Variants in RCAN3 observed in about 807,000 individuals in gnomAD.
The protein encoded by RCAN3 is calcipressin-3.
In RCAN3, 19 loss-of-function variants were observed where a neutral mutation model predicts 21.9. That is an observed-to-expected ratio of 0.87 (90% CI 0.61 to 1.27). The LOEUF (loss-of-function observed/expected upper bound fraction) is 1.27, where lower values mean the gene tolerates loss of function less well. RCAN3 is among the 50% of genes most tolerant of loss of function. RCAN3 has a pLI of 0.00. For missense variants in RCAN3, 240 were observed against 300.1 expected (o/e 0.80, Z 1.48); for synonymous variants, 114 against 112.3 (o/e 1.01, Z -0.09).
chr1:24,539,539 T>C lies in RCAN3; in HGVS notation c.*4262T>C, dbSNP rs1455228526. 6.6e-6 allele frequency: 1 copy of C among 152,220 alleles called. No homozygotes were observed. The highest frequency in any genetic ancestry group is 1.5e-5 in the Non-Finnish European group (1 of 68,050). The allele number at this position is 152,220 out of a possible 1,614,324, so 9.4% of individuals were successfully genotyped here. A position where few individuals can be genotyped will look rare whatever the true frequency, so the allele number is the denominator to read the frequency against. On this transcript the variant is annotated 3_prime_UTR_variant, in exon 5 of 5. Transcript: ENST00000374395. Reference sequence around the variant, plus strand: ...TACTAAAGCAGAATGAGATCTAATATGTTGTGGAAATAAAAGAGTTTGCAG... The same window carrying C: ...TACTAAAGCAGAATGAGATCTAATACGTTGTGGAAATAAAAGAGTTTGCAG...
At chr1:24,531,470 ATAT>A (rs1372255212) in intron 3 of RCAN3, 79 bp downstream of exon 3, 40 of 1,095,680 alleles carry the variant, frequency 3.7e-5, no homozygotes, top group Non-Finnish European at 4.9e-5. Context: ...ACCGTTTTCT[ATAT>A]TATTATAGCA....
intron 3 of RCAN3, 137 bp downstream of exon 3, chr1:24,531,528 A>G (rs1438054489): frequency 1.8e-6 from 1 of 541,678 alleles, no homozygotes; most frequent in Non-Finnish European, 3.0e-6. Context: ...TAATACAAAA[A>G]TATTTTCCCT....
intron 2 of RCAN3, among the ~76,000 whole-genome samples, chr1:24,516,190 C>T (rs1411357409): frequency 2.6e-5 from 4 of 151,994 alleles, no homozygotes; most frequent in African/African-American, 7.2e-5. Context: ...CAGGGCCAGG[C>T]GCAGTGGCTC....
intron 2 of RCAN3, 36 bp from the exon 3 acceptor site, chr1:24,531,182 T>A: frequency 7.5e-7 from 1 of 1,340,350 alleles, no homozygotes; most frequent in Non-Finnish European, 9.9e-7. Flanking sequence ...TTTTTTTTCC[T>A]CCCCTTCCCT....
rs1649182814 is a variant in RCAN3, at chr1:24,525,466, A to G, written c.196-5752A>G. Among the ~76,000 whole-genome samples, 1 of 152,202 alleles carries G rather than the reference A, an allele frequency of 6.6e-6. No individual in the cohort carries two copies. The highest frequency in any genetic ancestry group is 1.5e-5 in the Non-Finnish European group (1 of 68,020). On this transcript the variant is annotated intron_variant, in intron 2 of 4. Transcript: ENST00000374395. The surrounding 1 kb of genome is among the most constrained non-coding windows in gnomAD (Gnocchi z 4.1). ...GCTGCATTGTTTGTGTTATGCCTGT[A>G]GACGTTGTGCTGCCAGAGGGGGATA...
In RCAN3 at chr1:24,503,021, C is replaced by A. The variant is rs1054033686; in HGVS notation, c.-189C>A. On this transcript the variant is annotated 5_prime_UTR_variant, in exon 1 of 5. Transcript: ENST00000374395. ...CCGCCCACCAGGCTCCCAGAGGCCC[C>A]GCAGCTCGCGCCGTCCGGCTCCCCG... is the stretch of plus-strand genomic sequence containing the variant. 1.7e-4 allele frequency: 26 copies of A among 149,564 alleles called. No homozygotes were observed. The highest frequency in any genetic ancestry group is 5.6e-4 in the African/African-American group (23 of 41,060). The allele number at this position is 149,564 out of a possible 1,614,324, so 9.3% of individuals were successfully genotyped here. A position where few individuals can be genotyped will look rare whatever the true frequency, so the allele number is the denominator to read the frequency against.
chr1:24,508,921 G>C (rs1647672407), intron 1 of RCAN3, among the ~76,000 whole-genome samples: 1 of 152,150 alleles, frequency 6.6e-6, no homozygotes, highest in African/African-American at 2.4e-5. Context: ...AGTACTTTAG[G>C]AGGCTGAGGC....
At chr1:24,511,672 T>C (rs868773112) in intron 1 of RCAN3, among the ~76,000 whole-genome samples, 5 of 152,166 alleles carry the variant, frequency 3.3e-5, no homozygotes, top group African/African-American at 1.2e-4. Context: ...GTGAAAAAAT[T>C]TGAAATATTG....
At position 24,524,583 on chromosome 1, in the gene RCAN3, TG is replaced by T. The variant is rs564182748; in HGVS notation, c.196-6634del. Among the ~76,000 whole-genome samples the T allele has an allele frequency of 1.8e-3, 269 of 152,266 alleles. 1 individual carries two copies. The highest frequency in any genetic ancestry group is 6.2e-3 in the African/African-American group (256 of 41,552). On this transcript the variant is annotated intron_variant, in intron 2 of 4. Coordinates refer to ENST00000374395, the MANE Select transcript of RCAN3 (RefSeq NM_013441.4). ...TCTGGCTGTTTTAGTCAGTGGTGAT[TG>T]ATGAGAACCAAAAGCACTTTGCCTA... is the stretch of plus-strand genomic sequence containing the variant.
intron 1 of RCAN3, among the ~76,000 whole-genome samples, chr1:24,503,756 T>C (rs1647251969): frequency 6.6e-6 from 1 of 152,232 alleles, no homozygotes; most frequent in Admixed American, 6.5e-5. Context: ...GTGTTTCAGA[T>C]ACAAACAAGG....
intron 2 of RCAN3, among the ~76,000 whole-genome samples, chr1:24,529,232 CTG>C (rs1649536460): frequency 6.6e-6 from 1 of 150,852 alleles, no homozygotes; most frequent in Non-Finnish European, 1.5e-5. Context: ...GACATTGAGA[CTG>C]TGTCTGTACA....
rs1234162233 is a variant in RCAN3, at chr1:24,538,022, T to TG, written c.*2748dup. 9.2e-5 allele frequency: 14 copies of TG among 152,302 alleles called. No homozygotes were observed. Among genetic ancestry groups the TG allele is most frequent in the Admixed American group, 6.5e-4 (10 of 15,300 alleles). The allele number at this position is 152,302 out of a possible 1,614,324, so 9.4% of individuals were successfully genotyped here. ...GAGGAAAGATAATGGTGCTTTGTGT[T>TG]GGGAAAAAAACATTTGTGAAGGATT... On this transcript the variant is annotated 3_prime_UTR_variant, in exon 5 of 5. Coordinates refer to ENST00000374395, the MANE Select transcript of RCAN3 (RefSeq NM_013441.4).
intron 2 of RCAN3, among the ~76,000 whole-genome samples, chr1:24,520,960 C>G (rs1648755143): frequency 6.6e-6 from 1 of 152,110 alleles, no homozygotes; most frequent in Non-Finnish European, 1.5e-5. Context: ...AAAACCTACC[C>G]TGAAATTCAT....
chr1:24,531,114 G>T, intron 2 of RCAN3, 104 bp from the exon 3 acceptor site: 1 of 784,314 alleles, frequency 1.3e-6, no homozygotes, highest in Non-Finnish European at 2.0e-6. Flanking sequence ...AACTTATAAT[G>T]AGTTCTTAAT....
chr1:24,534,113 G>C (rs1475603225), intron 4 of RCAN3, among the ~76,000 whole-genome samples: 1 of 152,036 alleles, frequency 6.6e-6, no homozygotes, highest in Non-Finnish European at 1.5e-5. Flanking sequence ...TGTGATGCTG[G>C]TTCAGACAGT....
rs1428827884 is a variant in RCAN3, at chr1:24,525,192, A to G, written c.196-6026A>G. 1.3e-5 allele frequency among the ~76,000 whole-genome samples: 2 copies of G among 152,124 alleles called. No homozygotes were observed. The highest frequency in any genetic ancestry group is 2.9e-5 in the Non-Finnish European group (2 of 68,018). On this transcript the variant is annotated intron_variant, in intron 2 of 4. Transcript: ENST00000374395. The surrounding 1 kb of genome is among the most constrained non-coding windows in gnomAD (Gnocchi z 4.1). ...GTTGCTCCTTGAAACTGACCTTCCC[A>G]TATGGCCTTTTCCACTTTTCTCCTT... is the stretch of plus-strand genomic sequence containing the variant.
At chr1:24,511,608 A>G (rs958375674) in intron 1 of RCAN3, among the ~76,000 whole-genome samples, 1 of 152,240 alleles carries the variant, frequency 6.6e-6, no homozygotes, top group Non-Finnish European at 1.5e-5. Context: ...AAACAATTAC[A>G]ATGGTAACAT....
intron 2 of RCAN3, among the ~76,000 whole-genome samples, chr1:24,524,501 T>A (rs898565444): frequency 5.3e-5 from 8 of 152,246 alleles, no homozygotes; most frequent in Non-Finnish European, 8.8e-5. Flanking sequence ...GTAAAGTTTT[T>A]AAATTCACCA....
chr1:24,512,336 A>G (rs1333204534), intron 1 of RCAN3, among the ~76,000 whole-genome samples: 4 of 144,294 alleles, frequency 2.8e-5, no homozygotes, highest in African/African-American at 1.0e-4. Flanking sequence ...GCAACAGGAT[A>G]AAATTCTGTC....
Sources: allele counts gnomAD v4.1 joint callset (sites outside exome capture counted in the v4.1 genomes callset), GRCh38; gene constraint gnomAD v4.1.1; non-coding constraint Gnocchi (gnomAD v3.1); transcripts MANE v1.5; gene names NCBI Gene and HGNC (gene_info 2026-07-23, HGNC 2026-07-21).